The following ZNF638 variants were observed in gnomAD, a reference collection of about 807,000 sequenced individuals.
The protein encoded by ZNF638 is zinc finger protein 638.
In ZNF638, 46 loss-of-function variants were observed where a neutral mutation model predicts 195.6. The ratio of observed to expected loss-of-function variants is 0.24; its 90% CI spans 0.19 to 0.30. ZNF638 has a LOEUF of 0.30. Among genes scored for constraint, ZNF638 ranks in the 10% least tolerant of loss-of-function variants. The pLI is 1.00. For synonymous variants in ZNF638, 845 were observed against 772.0 expected (o/e 1.09, Z -1.57); for missense variants, 2,440 against 2,325.3 (o/e 1.05, Z -1.01).
At chr2:71,336,201 G>C (rs531688338) in intron 1 of ZNF638, among the ~76,000 whole-genome samples, 1 of 151,908 alleles carries the variant, frequency 6.6e-6, no homozygotes, top group African/African-American at 2.4e-5. Context: ...GAGAAACCCC[G>C]TCTCTACTAA....
intron 10 of ZNF638, among the ~76,000 whole-genome samples, chr2:71,390,802 C>A (rs1244175891): frequency 6.6e-6 from 1 of 152,130 alleles, no homozygotes; most frequent in Non-Finnish European, 1.5e-5. Flanking sequence ...AAAAAATTGT[C>A]AGCACTGGCT....
At chr2:71,401,551 T>G (rs557454318) in intron 15 of ZNF638, among the ~76,000 whole-genome samples, 21 of 152,064 alleles carry the variant, frequency 1.4e-4, no homozygotes, top group Non-Finnish European at 5.9e-5. Context: ...AATGAACTTG[T>G]GTTTTAAAAC....
chr2:71,374,885 TGGC>T (rs2104325451), intron 8 of ZNF638: 1 of 152,318 alleles, frequency 6.6e-6, no homozygotes, highest in Non-Finnish European at 1.5e-5. Context: ...GATAGCACCA[TGGC>T]ACCCCAGCCT....
chr2:71,372,820 G>C (rs2079338618), intron 8 of ZNF638, among the ~76,000 whole-genome samples: 1 of 152,128 alleles, frequency 6.6e-6, no homozygotes. Context: ...TCAATAATTT[G>C]ATTTGGTAGT....
Position 71,365,630 on chromosome 2 carries a change from A to G in ZNF638, c.1919A>G (p.Lys640Arg). Residue 640 changes from lysine to arginine, a missense_variant, in exon 6 of 28, where the codon AAA (lysine) becomes AGA (arginine). Around this residue, in one of 5 missense-constraint regions of ZNF638, gnomAD observed 1,883 missense variants for 1,739.1 expected, o/e 1.08. Transcript: ENST00000264447. ...CTAGGAGGACATTCTATTCGTTGTAAATCAAAGAATCTTGAAGATGACACT... is the reference window on the plus strand; with the variant it reads ...CTAGGAGGACATTCTATTCGTTGTAGATCAAAGAATCTTGAAGATGACACT... ...SNLGGHSIRCKSKNLEDDTLS... is the reference protein window; with the variant it reads ...SNLGGHSIRCRSKNLEDDTLS... The G allele has an allele frequency of 6.2e-7, 1 of 1,614,072 alleles. No individual in the cohort carries two copies. The highest frequency in any genetic ancestry group is 2.2e-5 in the East Asian group (1 of 44,882).
rs1013635256 is a variant in ZNF638 at position 71,350,099 on chromosome 2, G to A, written c.1145G>A (p.Arg382Gln). ...NYQSQADIPI[R>Q]SPFGIVKASW... ...CAGTCACAGGCTGACATTCCCATTC[G>A]GTCTCCCTTTGGTATTGTGAAAGCA... Residue 382 changes from arginine to glutamine, a missense_variant, in exon 2 of 28, where the codon CGG becomes CAG. Physicochemically the swap from Arg to Gln is conservative, Grantham distance 43 (BLOSUM62 1). Coordinates refer to ENST00000264447, the MANE Select transcript of ZNF638 (RefSeq NM_014497.5). 3 of 1,613,890 alleles carry A rather than the reference G, an allele frequency of 1.9e-6. No homozygotes were observed. The highest frequency in any genetic ancestry group is 2.7e-5 in the African/African-American group (2 of 74,888).
At position 71,356,056 on chromosome 2, in the gene ZNF638, C is replaced by CT. The variant is rs2079017638; in HGVS notation, c.1379+280dup. ...TTTGCTGGCTTACCTTCCCCAGGAT[C>CT]TTTTATCTATATCAGAGCAGGTATC... On this transcript the variant is annotated intron_variant, in intron 3 of 27. Coordinates refer to ENST00000264447, the MANE Select transcript of ZNF638 (RefSeq NM_014497.5). Among the ~76,000 whole-genome samples, 5 of 152,330 alleles carry CT rather than the reference C, an allele frequency of 3.3e-5. No homozygotes were observed. In the South Asian group the frequency reaches 1.0e-3, roughly 32 times the overall value.
At chr2:71,362,153 G>GT (rs1157942429) in intron 3 of ZNF638, among the ~76,000 whole-genome samples, 10 of 152,014 alleles carry the variant, frequency 6.6e-5, no homozygotes. Context: ...TGATATTACT[G>GT]TTTCTCCTAC....
intron 6 of ZNF638, among the ~76,000 whole-genome samples, chr2:71,367,904 CA>C (rs1309337074): frequency 6.6e-6 from 1 of 152,096 alleles, no homozygotes; most frequent in Non-Finnish European, 1.5e-5. Flanking sequence ...GTTGATACTA[CA>C]GTGTATTCAA....
At chr2:71,383,819 C>T (rs1396445259) in intron 10 of ZNF638, among the ~76,000 whole-genome samples, 6 of 118,444 alleles carry the variant, frequency 5.1e-5, no homozygotes, top group African/African-American at 1.7e-4. Flanking sequence ...CCAGGCTGGT[C>T]TCAAACTCCT....
chr2:71,402,228 AAC>A (rs1357425285), intron 16 of ZNF638, 141 bp downstream of exon 16: 5 of 823,336 alleles, frequency 6.1e-6, no homozygotes, highest in African/African-American at 1.8e-5. Context: ...TAAAATATAA[AAC>A]ACAGATATCC....
chr2:71,370,028 A>G, intron 8 of ZNF638, 23 bp downstream of exon 8: 1 of 1,579,520 alleles, frequency 6.3e-7, no homozygotes, highest in Non-Finnish European at 8.5e-7. Flanking sequence ...TAGGTCTTAA[A>G]TGTTTTATCA....
chr2:71,397,037 T>A (rs1011658379), intron 11 of ZNF638, among the ~76,000 whole-genome samples: 1 of 152,144 alleles, frequency 6.6e-6, no homozygotes, highest in Non-Finnish European at 1.5e-5. Context: ...TAGTGGCAGA[T>A]CCAGAATTTT....
chr2:71,345,113 T>C (rs1490360082), intron 1 of ZNF638, among the ~76,000 whole-genome samples: 1 of 152,244 alleles, frequency 6.6e-6, no homozygotes, highest in East Asian at 1.9e-4. Flanking sequence ...TTCATTATGC[T>C]ATATTTTAAT....
chr2:71,410,342 G>A (rs369257088), intron 20 of ZNF638, among the ~76,000 whole-genome samples: 136 of 151,798 alleles, frequency 9.0e-4, no homozygotes, highest in African/African-American at 3.1e-3. Context: ...CACCATGCCC[G>A]GCTAACTTTA....
Position 71,357,636 on chromosome 2 carries a change from T to C in ZNF638, c.1379+1856T>C, listed in dbSNP as rs2079045138. 2.0e-5 allele frequency among the ~76,000 whole-genome samples: 3 copies of C among 152,210 alleles called. No individual in the cohort carries two copies. The South Asian group carries it at 6.2e-4, about 32-fold the overall frequency. On this transcript the variant is annotated intron_variant, in intron 3 of 27. Coordinates refer to ENST00000264447, the MANE Select transcript of ZNF638 (RefSeq NM_014497.5). Reference sequence around the variant, plus strand: ...AATTTACTTGAGCAAACAGCATGTATATATCTATTAAAGCCTTTAGTGTAG... The same window carrying C: ...AATTTACTTGAGCAAACAGCATGTACATATCTATTAAAGCCTTTAGTGTAG...
chr2:71,370,668 A>C (rs149536183), intron 8 of ZNF638, among the ~76,000 whole-genome samples: 28 of 152,234 alleles, frequency 1.8e-4, no homozygotes, highest in Non-Finnish European at 3.5e-4. Context: ...ATATTTTTAT[A>C]TCTTAAAAAA....
chr2:71,409,918 A>AT (rs566396317), intron 20 of ZNF638, among the ~76,000 whole-genome samples: 20 of 151,872 alleles, frequency 1.3e-4, no homozygotes, highest in East Asian at 7.7e-4. Flanking sequence ...ATTCTCAAGT[A>AT]TTTTTTTTAC....
chr2:71,375,718 A>G (rs1174495002), intron 8 of ZNF638: 1 of 152,252 alleles, frequency 6.6e-6, no homozygotes, highest in African/African-American at 2.4e-5. Context: ...GGAGATTAGA[A>G]AGATTCATTT....
Sources: gnomAD v4.1 joint callset for allele counts (sites outside exome capture counted in the v4.1 genomes callset) on GRCh38, gnomAD v4.1.1 for gene constraint, gnomAD v4.1.1 regional missense constraint, MANE v1.5 for transcripts, NCBI Gene and HGNC (gene_info 2026-07-23, HGNC 2026-07-21) for gene names.